Variants in IFNGR1 observed in about 807,000 individuals in gnomAD.
IFNGR1 encodes AVP, type 2.
Under a neutral mutation model 35.4 loss-of-function variants are expected in IFNGR1, and 23 were observed. The observed-to-expected ratio is 0.65, with a 90% CI of 0.47 to 0.92. The LOEUF (loss-of-function observed/expected upper bound fraction) is 0.92. Among genes scored for constraint, IFNGR1 ranks in the 40% least tolerant of loss-of-function variants. The pLI, the probability that IFNGR1 is intolerant of heterozygous loss-of-function variation, is 0.00. For synonymous variants in IFNGR1, 199 were observed against 209.5 expected, an observed-to-expected ratio of 0.95 and a Z score of 0.43; for missense variants, 533 against 583.4, an observed-to-expected ratio of 0.91 and a Z score of 0.89.
chr6:137,201,210 G>C (rs1431259590), intron 5 of IFNGR1, among the ~76,000 whole-genome samples: 1 of 152,190 alleles, frequency 6.6e-6, no homozygotes, highest in Admixed American at 6.5e-5. Flanking sequence ...GTTCTTCCCA[G>C]CTCTGCAATT....
intron 1 of IFNGR1, among the ~76,000 whole-genome samples, chr6:137,216,381 T>C (rs1364324841): frequency 6.6e-6 from 1 of 152,192 alleles, no homozygotes; most frequent in Admixed American, 6.5e-5. Context: ...TATACTACTT[T>C]TATGTGTAAA....
chr6:137,217,787 TATTTGGTTCCTAC>T (rs1170189022), intron 1 of IFNGR1, among the ~76,000 whole-genome samples: 1 of 152,214 alleles, frequency 6.6e-6, no homozygotes, highest in Non-Finnish European at 1.5e-5. Flanking sequence ...GGCAATTCAT[TATTTGGTTCCTAC>T]TTCTCCACCT....
chr6:137,207,440 G>A (rs1373858769), intron 1 of IFNGR1, among the ~76,000 whole-genome samples: 3 of 152,126 alleles, frequency 2.0e-5, no homozygotes. Flanking sequence ...TGATACTACA[G>A]ATTGTATTCA....
intron 5 of IFNGR1, among the ~76,000 whole-genome samples, chr6:137,202,983 AAATT>A (rs1315140105): frequency 2.0e-5 from 3 of 152,142 alleles, no homozygotes; most frequent in African/African-American, 7.2e-5. Flanking sequence ...AGATGAAATA[AAATT>A]AATTATTGTA....
At chr6:137,207,781 T>G (rs886317806) in intron 1 of IFNGR1, among the ~76,000 whole-genome samples, 2 of 152,146 alleles carry the variant, frequency 1.3e-5, no homozygotes, top group African/African-American at 4.8e-5. Flanking sequence ...CATGTCTTTA[T>G]CAGCAGCATG....
intron 6 of IFNGR1, among the ~76,000 whole-genome samples, chr6:137,199,441 ATATATAAAATATATAACTTATAT>A (rs2114450615): frequency 5.1e-5 from 2 of 39,124 alleles, no homozygotes; most frequent in African/African-American, 1.7e-4. Flanking sequence ...TTATAATATA[ATATATAAAATATATAACTTATAT>A]TATATAAAAT....
intron 1 of IFNGR1, among the ~76,000 whole-genome samples, chr6:137,210,400 T>C (rs1174379571): frequency 3.9e-5 from 6 of 152,148 alleles, no homozygotes; most frequent in Non-Finnish European, 7.3e-5. Context: ...TTCTCCTTTC[T>C]CCCTTCACTT....
At chr6:137,202,282 G>A (rs146167262) in intron 5 of IFNGR1, among the ~76,000 whole-genome samples, 46 of 152,356 alleles carry the variant, frequency 3.0e-4, no homozygotes, top group African/African-American at 1.1e-3. Flanking sequence ...CAATGCCACC[G>A]TGTGGCCATA....
intron 1 of IFNGR1, among the ~76,000 whole-genome samples, chr6:137,212,976 A>C (rs1779610256): frequency 6.6e-6 from 1 of 152,238 alleles, no homozygotes; most frequent in Admixed American, 6.5e-5. Context: ...TTTTAATGCT[A>C]CCAGAGGAGA....
chr6:137,209,950 G>A (rs1562288512), intron 1 of IFNGR1: 1 of 398,428 alleles, frequency 2.5e-6, no homozygotes, highest in African/African-American at 2.1e-5. Flanking sequence ...ATTTCTTCTT[G>A]CCTTCACTCT....
At position 137,219,361 on chromosome 6, in the gene IFNGR1, G is replaced by C. The variant is rs1582650006; in HGVS notation, c.-34C>G. Reference sequence around the variant, plus strand: ...CGACGGTCGCTGGCTCCAACCCCGAGCGCCTGCGGGACCAGCCCAGCACTG... The same window carrying C: ...CGACGGTCGCTGGCTCCAACCCCGACCGCCTGCGGGACCAGCCCAGCACTG... On this transcript the variant is annotated 5_prime_UTR_variant, in exon 1 of 7. Coordinates refer to ENST00000367739, the MANE Select transcript of IFNGR1 (RefSeq NM_000416.3). 6.3e-7 allele frequency: 1 copy of C among 1,579,502 alleles called. No homozygotes were observed. The highest frequency in any genetic ancestry group is 1.3e-5 in the African/African-American group (1 of 74,476).
chr6:137,202,600 TATACAC>T (rs1445066412), intron 5 of IFNGR1, among the ~76,000 whole-genome samples: 3 of 104,362 alleles, frequency 2.9e-5, no homozygotes, highest in South Asian at 3.3e-4. Context: ...AAAATATATG[TATACAC>T]ACACACACAC....
rs546364539 is a variant in IFNGR1, at chr6:137,219,155, A to C, written c.85+88T>G. ...GGGTCCCGGGCTAGGGCGACCTCGGAGAAGCGGGGCGGGGCTTCCCGGCTG... is the reference window on the plus strand; with the variant it reads ...GGGTCCCGGGCTAGGGCGACCTCGGCGAAGCGGGGCGGGGCTTCCCGGCTG... On this transcript the variant is annotated intron_variant, in intron 1 of 6. Transcript: ENST00000367739. 59 of 1,515,038 alleles carry C rather than the reference A, an allele frequency of 3.9e-5. No homozygotes were observed. In the African/African-American group the frequency reaches 6.9e-4, roughly 18 times the overall value. 93.8% of individuals were successfully genotyped at this position (1,515,038 alleles called of 1,614,324 possible). A position where few individuals can be genotyped will look rare whatever the true frequency, so the allele number is the denominator to read the frequency against.
intron 1 of IFNGR1, 180 bp downstream of exon 1, chr6:137,219,063 A>C (rs985790185): frequency 4.2e-6 from 3 of 718,194 alleles, no homozygotes; most frequent in African/African-American, 3.5e-5. Flanking sequence ...CGACGAGTTC[A>C]AACCACGGAG....
At chr6:137,206,482 A>G (rs1286623765) in intron 2 of IFNGR1, among the ~76,000 whole-genome samples, 174 bp from the exon 3 acceptor site, 1 of 152,232 alleles carries the variant, frequency 6.6e-6, no homozygotes, top group Non-Finnish European at 1.5e-5. Flanking sequence ...AGTTAGAAGA[A>G]CTACAAACTC....
Position 137,206,125 on chromosome 6 carries a change from A to G in IFNGR1, c.373+11T>C, listed in dbSNP as rs1237886773. 6.2e-7 allele frequency: 1 copy of G among 1,609,258 alleles called. No individual in the cohort carries two copies. The highest frequency in any genetic ancestry group is 8.5e-7 in the Non-Finnish European group (1 of 1,175,676). ...CAATTTAAAATTTACATGTGTACAC[A>G]TTCTACTCACCATCTCGGCATACAG... On this transcript the variant is annotated intron_variant, in intron 3 of 6. Transcript: ENST00000367739.
Position 137,197,928 on chromosome 6 carries a change from A to T in IFNGR1, c.*103T>A. 1 of 1,498,502 alleles carries T rather than the reference A, an allele frequency of 6.7e-7. No individual in the cohort carries two copies. Among genetic ancestry groups the T allele is most frequent in the Non-Finnish European group, 9.2e-7 (1 of 1,081,876 alleles). The allele number at this position is 1,498,502 out of a possible 1,614,324, so 92.8% of individuals were successfully genotyped here. On this transcript the variant is annotated 3_prime_UTR_variant, in exon 7 of 7. Coordinates refer to ENST00000367739, the MANE Select transcript of IFNGR1 (RefSeq NM_000416.3). ...CACTAAGTCACTCCATTTGGTTGATACCAACTAAGATACAATTTCTGAGAT... is the reference window on the plus strand; with the variant it reads ...CACTAAGTCACTCCATTTGGTTGATTCCAACTAAGATACAATTTCTGAGAT...
chr6:137,210,436 CAGTT>C (rs1029606793), intron 1 of IFNGR1, among the ~76,000 whole-genome samples: 20 of 152,258 alleles, frequency 1.3e-4, no homozygotes, highest in Non-Finnish European at 2.1e-4. Context: ...TGAATGTACA[CAGTT>C]AGCGATGTGA....
At position 137,206,823 on chromosome 6, in the gene IFNGR1, T is replaced by C; in HGVS notation, c.200+140A>G. 4 of 653,756 alleles carry C rather than the reference T, an allele frequency of 6.1e-6. 1 individual carries two copies. The East Asian group carries it at 1.1e-4, about 18-fold the overall frequency. The allele number at this position is 653,756 out of a possible 1,614,324, so 40.5% of individuals were successfully genotyped here. A position where few individuals can be genotyped will look rare whatever the true frequency, so the allele number is the denominator to read the frequency against. ...AGAAATATTTGGCAAAGAATTTGCA[T>C]CTTTAGTACTTTTGGACCTCTATAA... On this transcript the variant is annotated intron_variant, in intron 2 of 6. Coordinates refer to ENST00000367739, the MANE Select transcript of IFNGR1 (RefSeq NM_000416.3).
Sources: gnomAD v4.1 joint callset for allele counts (sites outside exome capture counted in the v4.1 genomes callset) on GRCh38, gnomAD v4.1.1 for gene constraint, MANE v1.5 for transcripts, NCBI Gene and HGNC (gene_info 2026-07-23, HGNC 2026-07-21) for gene names.